Variants in ABCC12 observed in about 807,000 individuals in gnomAD.
The protein encoded by ABCC12 is ATP binding cassette subfamily C member 12.
ABCC12 carries 142 observed loss-of-function variants against 151.1 expected under a neutral mutation model. The observed-to-expected ratio is 0.94, with a 90% CI of 0.82 to 1.08. The LOEUF is 1.08. Ranked by LOEUF, ABCC12 falls within the 50% of genes least tolerant of loss-of-function variation. The pLI is 0.00. For synonymous variants in ABCC12, 645 were observed against 646.4 expected, an observed-to-expected ratio of 1.00 and a Z score of 0.03; for missense variants, 1,638 against 1,691.1, an observed-to-expected ratio of 0.97 and a Z score of 0.55.
At chr16:48,149,083 A>G (rs1965081214) in intron 2 of ABCC12, among the ~76,000 whole-genome samples, 1 of 152,140 alleles carries the variant, frequency 6.6e-6, no homozygotes, top group Admixed American at 6.6e-5. Flanking sequence ...CACACAGTAA[A>G]ATATAAATTA....
chr16:48,128,315 T>C, intron 11 of ABCC12, 144 bp downstream of exon 11: 3 of 1,263,428 alleles, frequency 2.4e-6, no homozygotes, highest in Non-Finnish European at 3.3e-6. Context: ...GTTTTAAAAC[T>C]GGGGGAAAAA....
intron 29 of ABCC12, among the ~76,000 whole-genome samples, chr16:48,084,727 C>T (rs928752485): frequency 1.3e-5 from 2 of 152,180 alleles, no homozygotes; most frequent in Non-Finnish European, 2.9e-5. Context: ...TTAATCGCAA[C>T]TGCAGAGTCC....
chr16:48,119,061 C>G (rs1256304226), intron 13 of ABCC12, among the ~76,000 whole-genome samples: 1 of 152,220 alleles, frequency 6.6e-6, no homozygotes, highest in Non-Finnish European at 1.5e-5. Flanking sequence ...CACCTCCCAC[C>G]TTCAATTTCC....
rs548043231 is a variant in ABCC12 at position 48,084,203 on chromosome 16, A to T, written c.3829-130T>A. 1.8e-5 allele frequency: 17 copies of T among 922,240 alleles called. No individual in the cohort carries two copies. In the South Asian group the frequency reaches 3.0e-4, roughly 16 times the overall value. 57.1% of individuals were successfully genotyped at this position (922,240 alleles called of 1,614,324 possible). On this transcript the variant is annotated intron_variant, in intron 29 of 30. Coordinates refer to ENST00000311303, the MANE Select transcript of ABCC12 (RefSeq NM_001393797.1). ...CAAGATGAAAAGTAATTAGCTAAAC[A>T]TCCATCTCAAAAAAGAAAATGAGAA...
chr16:48,116,778 G>A (rs957018348), intron 14 of ABCC12, among the ~76,000 whole-genome samples: 4 of 152,182 alleles, frequency 2.6e-5, no homozygotes, highest in African/African-American at 4.8e-5. Context: ...GTGGGGACCC[G>A]AGATGGCAAG....
chr16:48,113,327 G>A (rs1240352491), intron 15 of ABCC12, among the ~76,000 whole-genome samples: 1 of 152,152 alleles, frequency 6.6e-6, no homozygotes, highest in African/African-American at 2.4e-5. Flanking sequence ...TTTCAGATGG[G>A]GAAACTGAGA....
intron 14 of ABCC12, among the ~76,000 whole-genome samples, chr16:48,116,671 C>A (rs548849266): frequency 6.6e-6 from 1 of 152,278 alleles, no homozygotes; most frequent in South Asian, 2.1e-4. Context: ...TAGAGAAAGA[C>A]ACCCCAAACT....
chr16:48,121,910 C>A, intron 12 of ABCC12, 70 bp from the exon 13 acceptor site: 1 of 1,598,540 alleles, frequency 6.3e-7, no homozygotes, highest in Non-Finnish European at 8.5e-7. Flanking sequence ...GCCCATTGCA[C>A]CCTGGCACCC....
At position 48,126,051 on chromosome 16, in the gene ABCC12, C is replaced by T. The variant is rs142784136; in HGVS notation, c.1516-1767G>A. ...TTCCCATTTGCCTCCAAGAGGCCTC[C>T]GTGAACTTCCTGTGTTCTAAGGACT... On this transcript the variant is annotated intron_variant, in intron 11 of 30. Transcript: ENST00000311303. Among the ~76,000 whole-genome samples the T allele has an allele frequency of 2.6e-5, 4 of 152,306 alleles. No homozygotes were observed. The East Asian group carries it at 7.7e-4, about 29-fold the overall frequency.
rs1187452055 is a variant in ABCC12 at position 48,083,489 on chromosome 16, A to T, written c.*226T>A. 1.9e-6 allele frequency: 1 copy of T among 513,010 alleles called. No homozygotes were observed. The highest frequency in any genetic ancestry group is 3.4e-6 in the Non-Finnish European group (1 of 295,808). The allele number at this position is 513,010 out of a possible 1,614,324, so 31.8% of individuals were successfully genotyped here. ...GTGAAGGGCAGTTTTTTAATCCATT[A>T]GCTGGGTCTGCCCCGGTTCACCACC... is the stretch of plus-strand genomic sequence containing the variant. On this transcript the variant is annotated 3_prime_UTR_variant, in exon 31 of 31. Coordinates refer to ENST00000311303, the MANE Select transcript of ABCC12 (RefSeq NM_001393797.1).
chr16:48,141,191 G>T lies in ABCC12; in HGVS notation c.423+15C>A, dbSNP rs773713383. 3.2e-5 allele frequency: 52 copies of T among 1,611,046 alleles called. No homozygotes were observed. In the Admixed American group the frequency reaches 3.5e-4, roughly 11 times the overall value. On this transcript the variant is annotated intron_variant, in intron 5 of 30. Transcript: ENST00000311303. Reference sequence around the variant, plus strand: ...GGGGACCTAGCAGATGAGGAGGAAGGGCTGCCGCACTCACCGGCCCTATGG... The same window carrying T: ...GGGGACCTAGCAGATGAGGAGGAAGTGCTGCCGCACTCACCGGCCCTATGG...
At chr16:48,130,693 G>C (rs998165170) in intron 10 of ABCC12, 95 bp downstream of exon 10, 2 of 951,428 alleles carry the variant, frequency 2.1e-6, no homozygotes, top group African/African-American at 3.2e-5. Flanking sequence ...AAGCGACCCA[G>C]CTCTCCAGCA....
intron 15 of ABCC12, among the ~76,000 whole-genome samples, chr16:48,113,687 T>C (rs1963778891): frequency 2.0e-5 from 3 of 152,206 alleles, no homozygotes; most frequent in Admixed American, 6.5e-5. Flanking sequence ...ACCTGGTGGC[T>C]ACCTGCCTCT....
At chr16:48,116,777 C>T (rs1236040107) in intron 14 of ABCC12, among the ~76,000 whole-genome samples, 1 of 152,144 alleles carries the variant, frequency 6.6e-6, no homozygotes, top group East Asian at 1.9e-4. Context: ...GGTGGGGACC[C>T]GAGATGGCAA....
chr16:48,150,487 C>T (rs955833317), intron 2 of ABCC12, among the ~76,000 whole-genome samples: 2 of 152,106 alleles, frequency 1.3e-5, no homozygotes, highest in African/African-American at 4.8e-5. Context: ...GGGGAAAAAG[C>T]TGCAGAAAAA....
chr16:48,094,198 A>G (rs1210502033), intron 24 of ABCC12, among the ~76,000 whole-genome samples: 1 of 152,264 alleles, frequency 6.6e-6, no homozygotes, highest in African/African-American at 2.4e-5. Context: ...ACAAATGAAG[A>G]CATCTATCAA....
In ABCC12 at chr16:48,088,677, G is replaced by C; in HGVS notation, c.3343C>G (p.Pro1115Ala). 1 of 1,614,146 alleles carries C rather than the reference G, an allele frequency of 6.2e-7. No individual in the cohort carries two copies. Among genetic ancestry groups the C allele is most frequent in the Non-Finnish European group, 8.5e-7 (1 of 1,180,012 alleles). The change falls in exon 26 of 31, where the codon CCC (proline) becomes GCC (alanine). Residue 1115 changes from proline to alanine, a missense_variant. Transcript: ENST00000311303. ...LKVGTCPKDW[P>A]SRGEITFRDY... ...CTGAAGGTGATCTCCCCACGGCTGGGCCAGTCCTTGGGACAGGTCCCCACT... is the reference window on the plus strand; with the variant it reads ...CTGAAGGTGATCTCCCCACGGCTGGCCCAGTCCTTGGGACAGGTCCCCACT...
At chr16:48,091,306 C>T (rs1962883858) in intron 24 of ABCC12, 97 bp from the exon 25 acceptor site, 16 of 1,071,194 alleles carry the variant, frequency 1.5e-5, no homozygotes, top group Non-Finnish European at 1.9e-5. Context: ...ATGATCCCTC[C>T]CCTGCCTAGC....
In ABCC12 at chr16:48,115,624, G is replaced by C; in HGVS notation, c.1786-6C>G. 6.2e-7 allele frequency: 1 copy of C among 1,612,178 alleles called. No homozygotes were observed. Among genetic ancestry groups the C allele is most frequent in the Non-Finnish European group, 8.5e-7 (1 of 1,179,084 alleles). ...TTGAGGCCCCGCTCCCCAATCTGTG[G>C]ACAGGGACAATGCTACTGCCCATTG... On this transcript the variant is annotated splice_region_variant and splice_polypyrimidine_tract_variant and intron_variant, in intron 14 of 30. Coordinates refer to ENST00000311303, the MANE Select transcript of ABCC12 (RefSeq NM_001393797.1).
Sources: allele counts gnomAD v4.1 joint callset (sites outside exome capture counted in the v4.1 genomes callset), GRCh38; gene constraint gnomAD v4.1.1; transcripts MANE v1.5; gene names NCBI Gene and HGNC (gene_info 2026-07-23, HGNC 2026-07-21).